Variants in HSPA9 observed in about 807,000 individuals in gnomAD.
The protein encoded by HSPA9 is heat shock protein family A (Hsp70) member 9.
A neutral mutation model predicts 81.5 loss-of-function variants in HSPA9; 28 were observed. The ratio of observed to expected loss-of-function variants is 0.34; its 90% CI spans 0.25 to 0.47. The LOEUF is 0.47. HSPA9 is among the 20% of genes least tolerant of loss of function. The pLI, the probability that HSPA9 is intolerant of heterozygous loss-of-function variation, is 1.00. For synonymous variants in HSPA9, 293 were observed against 290.4 expected (o/e 1.01, Z -0.09); for missense variants, 678 against 838.0 (o/e 0.81, Z 2.36).
intron 9 of HSPA9, among the ~76,000 whole-genome samples, chr5:138,566,405 G>GT (rs780850276): frequency 2.4e-4 from 36 of 152,226 alleles, no homozygotes; most frequent in Non-Finnish European, 3.5e-4. Flanking sequence ...TCCAGTATAT[G>GT]TAACTGATTT....
At chr5:138,557,024 T>G in intron 14 of HSPA9, 158 bp from the exon 15 acceptor site, 1 of 682,448 alleles carries the variant, frequency 1.5e-6, no homozygotes, top group Non-Finnish European at 2.6e-6. Context: ...GGGATGGCTT[T>G]GAGAGAGATT....
At position 138,557,386 on chromosome 5, in the gene HSPA9, G is replaced by T; in HGVS notation, c.1728+16C>A. The T allele has an allele frequency of 6.5e-7, 1 of 1,547,576 alleles. No individual in the cohort carries two copies. On this transcript the variant is annotated intron_variant, in intron 14 of 16. Coordinates refer to ENST00000297185, the MANE Select transcript of HSPA9 (RefSeq NM_004134.7). ...GCTTTACTAAGATTAAAGTTCAGAAGACAAGAAGTAATCACCTTCTTTCGC... is the reference window on the plus strand; with the variant it reads ...GCTTTACTAAGATTAAAGTTCAGAATACAAGAAGTAATCACCTTCTTTCGC...
intron 8 of HSPA9, 92 bp from the exon 9 acceptor site, chr5:138,566,810 C>T (rs1248654565): frequency 2.5e-5 from 28 of 1,135,408 alleles, no homozygotes; most frequent in Non-Finnish European, 3.8e-5. Context: ...AAAATGGAGT[C>T]ATACCTTTAT....
At chr5:138,573,274 C>G (rs1301325684) in intron 3 of HSPA9, among the ~76,000 whole-genome samples, 1 of 152,110 alleles carries the variant, frequency 6.6e-6, no homozygotes, top group Non-Finnish European at 1.5e-5. Flanking sequence ...GGTAATCCAC[C>G]CCCCTTGGCC....
chr5:138,556,948 G>C, intron 14 of HSPA9, 82 bp from the exon 15 acceptor site: 1 of 927,362 alleles, frequency 1.1e-6, no homozygotes. Flanking sequence ...AATAAGCTAT[G>C]TGTTACATAC....
chr5:138,556,240 C>T, intron 16 of HSPA9, 126 bp from the exon 17 acceptor site: 3 of 1,029,004 alleles, frequency 2.9e-6, no homozygotes, highest in Non-Finnish European at 4.5e-6. Flanking sequence ...ACTCCCCCTC[C>T]CCACTTTCTA....
chr5:138,575,215 T>A, intron 1 of HSPA9, 23 bp downstream of exon 1: 4 of 1,567,738 alleles, frequency 2.6e-6, no homozygotes, highest in South Asian at 1.1e-5. Context: ...GTGACCCCAT[T>A]CGGGAAGGTC....
In HSPA9 at chr5:138,561,232, A is replaced by G. The variant is rs1033052345; in HGVS notation, c.1182+348T>C. Reference sequence around the variant, plus strand: ...ACCTCAAACTTTGTTTCAATCCTAAAAATTCTATGACTGAGTTCGGGATCC... The same window carrying G: ...ACCTCAAACTTTGTTTCAATCCTAAGAATTCTATGACTGAGTTCGGGATCC... On this transcript the variant is annotated intron_variant, in intron 10 of 16. Coordinates refer to ENST00000297185, the MANE Select transcript of HSPA9 (RefSeq NM_004134.7). 8 of 367,798 alleles carry G rather than the reference A, an allele frequency of 2.2e-5. 1 individual carries two copies. In the Middle Eastern group the frequency reaches 2.9e-3, roughly 132 times the overall value. 22.8% of individuals were successfully genotyped at this position (367,798 alleles called of 1,614,324 possible). A position where few individuals can be genotyped will look rare whatever the true frequency, so the allele number is the denominator to read the frequency against.
rs574798283 is a variant in HSPA9 at position 138,572,840 on chromosome 5, T to C, written c.228+923A>G. ...ACTTAGAAGTAGATATAATTCTCCATGTGGAAGTAAAGATTCTTGTCCCAA... is the reference window on the plus strand; with the variant it reads ...ACTTAGAAGTAGATATAATTCTCCACGTGGAAGTAAAGATTCTTGTCCCAA... On this transcript the variant is annotated intron_variant, in intron 3 of 16. Transcript: ENST00000297185. 2.2e-4 allele frequency among the ~76,000 whole-genome samples: 33 copies of C among 152,224 alleles called. 1 individual carries two copies. In the South Asian group the frequency reaches 6.4e-3, roughly 30 times the overall value.
chr5:138,563,920 C>G (rs1561859020), intron 9 of HSPA9, among the ~76,000 whole-genome samples: 1 of 152,186 alleles, frequency 6.6e-6, no homozygotes, highest in Non-Finnish European at 1.5e-5. Context: ...CAACCGACCC[C>G]AATCTTCACT....
At chr5:138,556,658 T>C in intron 15 of HSPA9, 66 bp from the exon 16 acceptor site, 1 of 1,580,646 alleles carries the variant, frequency 6.3e-7, no homozygotes, top group African/African-American at 1.3e-5. Flanking sequence ...GTAGAAGTAC[T>C]ATTTAGAAAC....
At chr5:138,573,379 G>A (rs1750993451) in intron 3 of HSPA9, among the ~76,000 whole-genome samples, 1 of 152,066 alleles carries the variant, frequency 6.6e-6, no homozygotes, top group African/African-American at 2.4e-5. Flanking sequence ...AGTACTTCGA[G>A]GCCAGGCTTA....
chr5:138,571,716 G>A (rs1441077231), intron 3 of HSPA9, among the ~76,000 whole-genome samples: 1 of 149,856 alleles, frequency 6.7e-6, no homozygotes, highest in Non-Finnish European at 1.5e-5. Context: ...GCGCGATCTC[G>A]GCTCACTGCA....
At chr5:138,566,861 G>A (rs1372678792) in intron 8 of HSPA9, 140 bp downstream of exon 8, 9 of 1,158,330 alleles carry the variant, frequency 7.8e-6, no homozygotes, top group African/African-American at 4.6e-5. Context: ...TAATGTGTAG[G>A]GAAAAAAAAT....
intron 12 of HSPA9, among the ~76,000 whole-genome samples, chr5:138,558,240 A>T (rs1337320123): frequency 1.3e-5 from 2 of 152,238 alleles, no homozygotes; most frequent in Non-Finnish European, 2.9e-5. Flanking sequence ...ACTAAATGAC[A>T]GATAGCAAAT....
At position 138,570,017 on chromosome 5, in the gene HSPA9, A is replaced by G. The variant is rs138202244; in HGVS notation, c.410+943T>C. Among the ~76,000 whole-genome samples the G allele has an allele frequency of 2.5e-3, 377 of 151,458 alleles. 1 individual carries two copies. Among genetic ancestry groups the G allele is most frequent in the Non-Finnish European group, 3.8e-3 (261 of 67,842 alleles). On this transcript the variant is annotated intron_variant, in intron 4 of 16. Coordinates refer to ENST00000297185, the MANE Select transcript of HSPA9 (RefSeq NM_004134.7). ...TCAAGCCTCACTAGTAGCTGGGACT[A>G]TAGGCGCGCACCACCGAGCTTGGCT...
rs569166975 is a variant in HSPA9 at position 138,568,986 on chromosome 5, C to T, written c.474G>A (p.Gly158=). 31 of 1,613,974 alleles carry T rather than the reference C, an allele frequency of 1.9e-5. No individual in the cohort carries two copies. The Admixed American group carries it at 5.2e-4, about 27-fold the overall frequency. The change falls in exon 5 of 17, where the codon GGG becomes GGA. Residue 158 remains glycine (G), a synonymous_variant. Transcript: ENST00000297185. ...CAATCTGACTCGGAGAATACAATTT[C>T]CCATGAGCCTCAACCCAGGCATCAC... ...SNGDAWVEAH[G]KLYSPSQIGA...
At chr5:138,562,847 T>C (rs1750688903) in intron 9 of HSPA9, among the ~76,000 whole-genome samples, 1 of 152,212 alleles carries the variant, frequency 6.6e-6, no homozygotes, top group Non-Finnish European at 1.5e-5. Context: ...TTACAAGTGA[T>C]ACGAAAGCTA....
chr5:138,556,974 T>C (rs1222528083), intron 14 of HSPA9, 108 bp from the exon 15 acceptor site: 1 of 816,882 alleles, frequency 1.2e-6, no homozygotes, highest in East Asian at 2.5e-5. Flanking sequence ...CAGATAAAAA[T>C]AGAGTAAGAG....
Sources: gnomAD v4.1 joint callset for allele counts (sites outside exome capture counted in the v4.1 genomes callset) on GRCh38, gnomAD v4.1.1 for gene constraint, MANE v1.5 for transcripts, NCBI Gene and HGNC (gene_info 2026-07-23, HGNC 2026-07-21) for gene names.